MALRD1: variants seen among roughly 807,000 people sequenced by gnomAD.
MALRD1 encodes MAM and LDL receptor class A domain containing 1.
A neutral mutation model predicts 242.1 loss-of-function variants in MALRD1; 247 were observed. The observed-to-expected ratio is 1.02, with a 90% CI of 0.92 to 1.13. MALRD1 has a LOEUF of 1.13. Among genes scored for constraint, MALRD1 ranks in the 50% most tolerant of loss-of-function variants. MALRD1 has a pLI of 0.00. For synonymous variants in MALRD1, 995 were observed against 866.6 expected (o/e 1.15, Z -2.60); for missense variants, 2,989 against 2,533.1 (o/e 1.18, Z -3.86).
chr10:19,235,895 G>A (rs964480661), intron 18 of MALRD1, among the ~76,000 whole-genome samples: 3 of 152,034 alleles, frequency 2.0e-5, no homozygotes, highest in Admixed American at 6.6e-5. Context: ...ATGGGACATC[G>A]AAGTGGAAAT....
In MALRD1 at chr10:19,360,603, T is replaced by C. The variant is rs376824515; in HGVS notation, c.4441+8306T>C. 5.3e-5 allele frequency among the ~76,000 whole-genome samples: 8 copies of C among 152,256 alleles called. No individual in the cohort carries two copies. In the East Asian group the frequency reaches 7.7e-4, roughly 15 times the overall value. ...CAGATGTTATAGTACAGAAATTGTA[T>C]ACAATTCTGTATGGCCTGCATAGAA... is the stretch of plus-strand genomic sequence containing the variant. On this transcript the variant is annotated intron_variant, in intron 26 of 39. Coordinates refer to ENST00000454679, the MANE Select transcript of MALRD1 (RefSeq NM_001142308.3).
At chr10:19,195,495 C>G (rs1466478789) in intron 14 of MALRD1, among the ~76,000 whole-genome samples, 1 of 152,118 alleles carries the variant, frequency 6.6e-6, no homozygotes, top group Non-Finnish European at 1.5e-5. Context: ...TCCTTGAACT[C>G]CAGACTCAGA....
At chr10:19,661,328 A>G (rs1019786678) in intron 36 of MALRD1, among the ~76,000 whole-genome samples, 8 of 152,228 alleles carry the variant, frequency 5.3e-5, no homozygotes, top group Admixed American at 5.2e-4. Flanking sequence ...ATAAAGACAC[A>G]TGCACACGTA....
intron 38 of MALRD1, among the ~76,000 whole-genome samples, chr10:19,709,747 C>T (rs1834022224): frequency 6.6e-6 from 1 of 152,028 alleles, no homozygotes; most frequent in Non-Finnish European, 1.5e-5. Flanking sequence ...AGTTAATGCT[C>T]ATTTTAAAAA....
intron 32 of MALRD1, among the ~76,000 whole-genome samples, chr10:19,559,078 G>A (rs946799349): frequency 1.8e-4 from 27 of 152,048 alleles, no homozygotes; most frequent in Admixed American, 5.9e-4. Flanking sequence ...AGTTACTCAG[G>A]AGGCTGAGGT....
intron 28 of MALRD1, among the ~76,000 whole-genome samples, chr10:19,416,535 G>A (rs1833519103): frequency 6.6e-6 from 1 of 151,254 alleles, no homozygotes; most frequent in Non-Finnish European, 1.5e-5. Context: ...TCATTGCCAG[G>A]TGGAAAAAAA....
intron 33 of MALRD1, among the ~76,000 whole-genome samples, chr10:19,590,113 A>G (rs549964697): frequency 1.3e-5 from 2 of 152,212 alleles, no homozygotes; most frequent in South Asian, 2.1e-4. Context: ...ACATTTATCA[A>G]AATGTTATGC....
chr10:19,497,722 A>G (rs1410584336), intron 30 of MALRD1, among the ~76,000 whole-genome samples: 1 of 152,168 alleles, frequency 6.6e-6, no homozygotes, highest in Non-Finnish European at 1.5e-5. Context: ...GATTCATACC[A>G]ATTAAATCAC....
chr10:19,141,334 A>C (rs1227350614), intron 10 of MALRD1, among the ~76,000 whole-genome samples: 2 of 152,156 alleles, frequency 1.3e-5, no homozygotes, highest in East Asian at 3.9e-4. Context: ...AAAGTAGGCA[A>C]ACTCATAGAG....
chr10:19,225,584 A>G (rs1038375496), intron 18 of MALRD1, among the ~76,000 whole-genome samples: 6 of 152,142 alleles, frequency 3.9e-5, no homozygotes, highest in South Asian at 2.1e-4. Context: ...TGACCGAAGT[A>G]TCATCAGTAT....
chr10:19,331,502 A>T lies in MALRD1; in HGVS notation c.3821A>T (p.Lys1274Met), dbSNP rs1295277728. ...GATCATGAATTCATGTGTGCTAATA[A>T]GCACTGCATTGCCAAAGACAAGCTG... ...CTDHEFMCAN[K>M]HCIAKDKLCD... The change falls in exon 24 of 40, where the codon AAG becomes ATG. Residue 1274 changes from lysine (K) to methionine (M), a missense_variant. By Grantham distance (95) the Lys-to-Met change is moderately conservative. Coordinates refer to ENST00000454679, the MANE Select transcript of MALRD1 (RefSeq NM_001142308.3). The T allele has an allele frequency of 1.3e-6, 2 of 1,550,286 alleles. No individual in the cohort carries two copies. Among genetic ancestry groups the T allele is most frequent in the African/African-American group, 2.7e-5 (2 of 73,022 alleles).
chr10:19,544,379 G>C (rs1334097343), intron 32 of MALRD1, among the ~76,000 whole-genome samples: 1 of 151,858 alleles, frequency 6.6e-6, no homozygotes, highest in Non-Finnish European at 1.5e-5. Context: ...GTAGAGAATG[G>C]ATTTCACCGT....
upstream of MALRD1, among the ~76,000 whole-genome samples, chr10:19,047,861 ACT>A (rs1834377658): frequency 6.6e-6 from 1 of 152,076 alleles, no homozygotes; most frequent in African/African-American, 2.4e-5. Flanking sequence ...GCTCCTTTCC[ACT>A]CTACATTCTC....
intron 18 of MALRD1, among the ~76,000 whole-genome samples, chr10:19,224,571 G>A (rs186383439): frequency 1.4e-3 from 218 of 152,222 alleles, no homozygotes; most frequent in Non-Finnish European, 2.1e-3. Flanking sequence ...GATTACAGGC[G>A]TGAGCCACCA....
intron 31 of MALRD1, among the ~76,000 whole-genome samples, chr10:19,530,361 ATATAAATATT>A (rs2131344613): frequency 2.7e-5 from 3 of 109,496 alleles, no homozygotes; most frequent in Non-Finnish European, 4.9e-5. Context: ...TATAATATTT[ATATAAATATT>A]TATATAAATA....
chr10:19,599,133 A>G (rs548668748), intron 34 of MALRD1, among the ~76,000 whole-genome samples: 90 of 152,252 alleles, frequency 5.9e-4, no homozygotes, highest in African/African-American at 2.0e-3. Flanking sequence ...AGAAGTTGCA[A>G]TTGGAGTGGA....
intron 36 of MALRD1, among the ~76,000 whole-genome samples, chr10:19,677,381 T>G (rs1013009750): frequency 1.1e-4 from 17 of 152,206 alleles, no homozygotes; most frequent in Admixed American, 1.0e-3. Context: ...GGTATCTCAT[T>G]GTGGTTTTGA....
At chr10:19,463,116 C>G (rs1380375022) in intron 29 of MALRD1, among the ~76,000 whole-genome samples, 2 of 151,876 alleles carry the variant, frequency 1.3e-5, no homozygotes, top group Middle Eastern at 3.2e-3. Context: ...GAACCAATAG[C>G]CTACCACAAT....
At chr10:19,444,112 C>T (rs1271800728) in intron 28 of MALRD1, among the ~76,000 whole-genome samples, 4 of 152,106 alleles carry the variant, frequency 2.6e-5, no homozygotes, top group Admixed American at 6.5e-5. Flanking sequence ...TCTGTTTTAT[C>T]AGAGACTAGG....
Sources: gnomAD v4.1 joint callset for allele counts (sites outside exome capture counted in the v4.1 genomes callset) on GRCh38, gnomAD v4.1.1 for gene constraint, MANE v1.5 for transcripts, NCBI Gene and HGNC (gene_info 2026-07-23, HGNC 2026-07-21) for gene names.